Variants in DNAI3 observed in about 807,000 individuals in gnomAD.
The protein encoded by DNAI3 is WD repeat domain 63.
Under a neutral mutation model 115.5 loss-of-function variants are expected in DNAI3, and 83 were observed. That is an observed-to-expected ratio of 0.72 (90% CI 0.60 to 0.86). The LOEUF is 0.86. Among genes scored for constraint, DNAI3 ranks in the 40% least tolerant of loss-of-function variants. DNAI3 has a pLI of 0.00. For missense variants in DNAI3, 1,004 were observed against 1,075.8 expected (o/e 0.93, Z 0.93); for synonymous variants, 320 against 347.0 (o/e 0.92, Z 0.86).
intron 1 of DNAI3, among the ~76,000 whole-genome samples, chr1:85,070,122 G>T (rs576624791): frequency 6.6e-6 from 1 of 152,038 alleles, no homozygotes; most frequent in African/African-American, 2.4e-5. Flanking sequence ...TTAGCCGGGC[G>T]TGCTGGCGTG....
intron 3 of DNAI3, among the ~76,000 whole-genome samples, chr1:85,080,095 A>G (rs1571161317): frequency 8.4e-6 from 1 of 118,722 alleles, no homozygotes; most frequent in Admixed American, 1.2e-4. Context: ...TCTGTTGTCC[A>G]GGCTGGGGTG....
At chr1:85,111,059 C>G (rs1165373403) in intron 16 of DNAI3, among the ~76,000 whole-genome samples, 1 of 152,170 alleles carries the variant, frequency 6.6e-6, no homozygotes, top group Admixed American at 6.5e-5. Flanking sequence ...TCGAGAATAA[C>G]TAGCAATTGA....
chr1:85,066,926 G>A (rs879903672), intron 1 of DNAI3, among the ~76,000 whole-genome samples: 4 of 152,116 alleles, frequency 2.6e-5, no homozygotes, highest in Non-Finnish European at 5.9e-5. Context: ...GAATAAATGT[G>A]TTTATTGAAA....
At chr1:85,132,741 C>T (rs1656376631) in intron 22 of DNAI3, 114 bp from the exon 23 acceptor site, 1 of 1,366,836 alleles carries the variant, frequency 7.3e-7, no homozygotes, top group Non-Finnish European at 9.9e-7. Context: ...TCCATCCAGC[C>T]CTTTCCAGAA....
intron 7 of DNAI3, among the ~76,000 whole-genome samples, chr1:85,089,799 AT>A (rs1380489402): frequency 6.6e-6 from 1 of 152,094 alleles, no homozygotes; most frequent in Admixed American, 6.6e-5. Context: ...AATGTTAATA[AT>A]TGACGAATCT....
At chr1:85,123,969 G>T (rs1656058197) in intron 18 of DNAI3, 152 bp from the exon 19 acceptor site, 1 of 909,764 alleles carries the variant, frequency 1.1e-6, no homozygotes, top group Non-Finnish European at 1.6e-6. Flanking sequence ...GCCATCCCTT[G>T]ACAGATCTAT....
chr1:85,131,820 G>C (rs1207069735), intron 22 of DNAI3, among the ~76,000 whole-genome samples: 4 of 152,120 alleles, frequency 2.6e-5, no homozygotes, highest in African/African-American at 9.7e-5. Flanking sequence ...GGAGCGAGTA[G>C]AATTGTGGAT....
intron 11 of DNAI3, among the ~76,000 whole-genome samples, chr1:85,096,446 A>G (rs1397275953): frequency 6.7e-6 from 1 of 149,408 alleles, no homozygotes; most frequent in Admixed American, 6.7e-5. Context: ...ATTTATAGGC[A>G]GATATATGTG....
Position 85,081,251 on chromosome 1 carries a change from C to A in DNAI3, c.121C>A (p.Pro41Thr). 6.3e-7 allele frequency: 1 copy of A among 1,581,416 alleles called. No individual in the cohort carries two copies. The highest frequency in any genetic ancestry group is 2.0e-5 in the Admixed American group (1 of 50,150). ...MESMGHPEIY[P>T]LVLTTKTQEI... Reference sequence around the variant, plus strand: ...TTTCCTAGGTCATCCAGAAATTTATCCTTTAGTATTAACCACCAAGACCCA... The same window carrying A: ...TTTCCTAGGTCATCCAGAAATTTATACTTTAGTATTAACCACCAAGACCCA... The change falls in exon 4 of 23, where the codon CCT (proline) becomes ACT (threonine). Residue 41 changes from proline to threonine, a missense_variant. Pro to Thr is a conservative substitution (Grantham distance 38). This residue lies in a region of DNAI3 where 550 missense variants were observed against 568.1 expected (regional missense o/e 0.97). Transcript: ENST00000294664.
chr1:85,094,713 T>G (rs1032223778), intron 10 of DNAI3, among the ~76,000 whole-genome samples, 158 bp downstream of exon 10: 1 of 152,250 alleles, frequency 6.6e-6, no homozygotes, highest in East Asian at 1.9e-4. Flanking sequence ...ATCATTCAAT[T>G]TGAGCAAAAC....
chr1:85,062,912 A>G (rs562148451), intron 1 of DNAI3, among the ~76,000 whole-genome samples: 83 of 152,226 alleles, frequency 5.5e-4, no homozygotes, highest in Non-Finnish European at 1.1e-3. Context: ...GTGGGCTGAA[A>G]TAGATTACTT....
chr1:85,132,977 G>A lies in DNAI3; in HGVS notation c.2655G>A (p.Gly885=). 6.2e-7 allele frequency: 1 copy of A among 1,613,158 alleles called. No individual in the cohort carries two copies. Among genetic ancestry groups the A allele is most frequent in the South Asian group, 1.1e-5 (1 of 90,880 alleles). ...NLGLIKVTEK[G]SYMEVM ...GCCTAATCAAAGTCACAGAGAAGGG[G>A]TCATACATGGAGGTGATGTAAAAAA... The change falls in exon 23 of 23, where the codon GGG becomes GGA. Residue 885 remains glycine, a synonymous_variant. Coordinates refer to ENST00000294664, the MANE Select transcript of DNAI3 (RefSeq NM_145172.5).
chr1:85,084,277 T>TATACAC (rs59205168), intron 5 of DNAI3, among the ~76,000 whole-genome samples: 27 of 128,486 alleles, frequency 2.1e-4, no homozygotes, highest in Middle Eastern at 6.6e-3. Context: ...TATATATATA[T>TATACAC]ACACATCCAT....
At chr1:85,108,646 G>A (rs1392718202) in intron 15 of DNAI3, among the ~76,000 whole-genome samples, 1 of 152,132 alleles carries the variant, frequency 6.6e-6, no homozygotes, top group African/African-American at 2.4e-5. Flanking sequence ...GATTCAGGGG[G>A]TACATGTGCA....
rs762690094 is a variant in DNAI3, at chr1:85,108,167, C to T, written c.1688C>T (p.Pro563Leu). ...TTGCATCTGGATCTCTCCTGGAAAC[C>T]TCTCACTAAGGTAAGTAATGTGGGG... ...TFLHLDLSWK[P>L]LTKVRLSKGE... The change falls in exon 15 of 23, where the codon CCT becomes CTT. Residue 563 changes from proline to leucine, a missense_variant. Pro to Leu is a moderately conservative substitution (Grantham distance 98). Coordinates refer to ENST00000294664, the MANE Select transcript of DNAI3 (RefSeq NM_145172.5). 1.3e-6 allele frequency: 2 copies of T among 1,596,440 alleles called. No individual in the cohort carries two copies. Among genetic ancestry groups the T allele is most frequent in the Non-Finnish European group, 8.5e-7 (1 of 1,174,488 alleles).
chr1:85,091,344 T>C (rs1654967342), intron 8 of DNAI3, among the ~76,000 whole-genome samples: 1 of 152,260 alleles, frequency 6.6e-6, no homozygotes, highest in African/African-American at 2.4e-5. Flanking sequence ...TGGGCTTTTA[T>C]TCTTCCCTCT....
intron 3 of DNAI3, among the ~76,000 whole-genome samples, chr1:85,080,810 G>C (rs1654614416): frequency 6.6e-6 from 1 of 152,168 alleles, no homozygotes; most frequent in African/African-American, 2.4e-5. Context: ...AAATTAGAAT[G>C]CTTACCAATA....
chr1:85,128,607 C>T, intron 20 of DNAI3, 101 bp from the exon 21 acceptor site: 1 of 883,672 alleles, frequency 1.1e-6, no homozygotes, highest in Non-Finnish European at 1.8e-6. Flanking sequence ...CACAGCAGGT[C>T]CTTTGGGAGA....
At chr1:85,088,154 T>C (rs977568357) in intron 7 of DNAI3, among the ~76,000 whole-genome samples, 3 of 152,046 alleles carry the variant, frequency 2.0e-5, no homozygotes, top group African/African-American at 7.2e-5. Context: ...GAGACAAATT[T>C]CTAAGTCAAG....
Sources: allele counts gnomAD v4.1 joint callset (sites outside exome capture counted in the v4.1 genomes callset), GRCh38; gene constraint gnomAD v4.1.1; regional missense constraint gnomAD v4.1.1; transcripts MANE v1.5; gene names NCBI Gene and HGNC (gene_info 2026-07-23, HGNC 2026-07-21).